Variants in USP24 observed in about 807,000 individuals in gnomAD.
USP24 encodes the protein ubiquitin specific peptidase 24.
USP24 carries 97 observed loss-of-function variants against 361.6 expected under a neutral mutation model. The observed-to-expected ratio is 0.27, with a 90% CI of 0.23 to 0.32. The LOEUF is 0.32. Among genes scored for constraint, USP24 ranks in the 10% least tolerant of loss-of-function variants. The probability of loss-of-function intolerance (pLI) is 1.00; values close to 1 mark genes in which losing one functional copy is unlikely to be tolerated. For synonymous variants in USP24, 1,098 were observed against 1,124.6 expected, an observed-to-expected ratio of 0.98 and a Z score of 0.47; for missense variants, 2,353 against 3,165.6, an observed-to-expected ratio of 0.74 and a Z score of 6.16.
Position 55,144,131 on chromosome 1 carries a change from T to A in USP24, c.2435A>T (p.Gln812Leu), listed in dbSNP as rs964592838. 1.9e-6 allele frequency: 3 copies of A among 1,606,064 alleles called. No individual in the cohort carries two copies. The African/African-American group carries it at 4.0e-5, about 22-fold the overall frequency. The part of the protein sequence containing the change: ...CDHRLKRQGA[Q>L]LYVEKLELIG... Reference sequence around the variant, plus strand: ...ATTTGAGAATAACGTACTTACCAACTGAGCTCCTTGTCTTTTCAATCGATG... The same window carrying A: ...ATTTGAGAATAACGTACTTACCAACAGAGCTCCTTGTCTTTTCAATCGATG... The change falls in exon 21 of 68, where the codon CAG becomes CTG. Residue 812 changes from glutamine (Q) to leucine (L), a missense_variant. Transcript: ENST00000294383.
intron 1 of USP24, among the ~76,000 whole-genome samples, chr1:55,197,861 C>A (rs1349892163): frequency 6.6e-6 from 1 of 152,178 alleles, no homozygotes; most frequent in Non-Finnish European, 1.5e-5. Context: ...CCTTACCTGA[C>A]CACAATTAGA....
chr1:55,193,390 G>C (rs1027402286), intron 1 of USP24, among the ~76,000 whole-genome samples: 2 of 152,194 alleles, frequency 1.3e-5, no homozygotes, highest in African/African-American at 4.8e-5. Context: ...ATACAGAGAA[G>C]CAAGGTTTTC....
At position 55,094,080 on chromosome 1, in the gene USP24, G is replaced by T; in HGVS notation, c.6211C>A (p.Pro2071Thr). The T allele has an allele frequency of 6.2e-7, 1 of 1,612,842 alleles. No homozygotes were observed. The highest frequency in any genetic ancestry group is 8.5e-7 in the Non-Finnish European group (1 of 1,179,348). ...TGAGGTGAAATTTCTGGTGAAGATG[G>T]AGCTGACCTAAGAGATAGAATCAGA... ...QEAEDLSLSA[P>T]SSPEISPQSS... Residue 2071 changes from proline (P) to threonine (T), a missense_variant, in exon 52 of 68, where the codon CCA becomes ACA. Around this residue, in one of 8 missense-constraint regions of USP24, gnomAD observed 598 missense variants for 761.9 expected, o/e 0.78. Transcript: ENST00000294383.
intron 63 of USP24, among the ~76,000 whole-genome samples, chr1:55,074,937 T>G (rs889842061): frequency 4.6e-5 from 7 of 152,178 alleles, no homozygotes; most frequent in Non-Finnish European, 8.8e-5. Flanking sequence ...AAATTATTCT[T>G]AACTAAACTT....
chr1:55,137,432 T>G (rs1206201508), intron 28 of USP24, 83 bp downstream of exon 28: 24 of 1,437,394 alleles, frequency 1.7e-5, no homozygotes, highest in Non-Finnish European at 2.2e-5. Flanking sequence ...TCCCAGCATT[T>G]GTTATACAGT....
At chr1:55,131,883 C>G (rs942374355) in intron 31 of USP24, among the ~76,000 whole-genome samples, 1 of 152,086 alleles carries the variant, frequency 6.6e-6, no homozygotes, top group Non-Finnish European at 1.5e-5. Flanking sequence ...TTCTTCAGAC[C>G]AAGAGTGGTA....
chr1:55,153,800 T>A (rs1222126682), intron 16 of USP24, 70 bp downstream of exon 16: 6 of 1,351,010 alleles, frequency 4.4e-6, no homozygotes, highest in Non-Finnish European at 6.1e-6. Flanking sequence ...TTTAAAATTG[T>A]GGTGTAATTT....
At chr1:55,197,074 T>C (rs1644439405) in intron 1 of USP24, among the ~76,000 whole-genome samples, 1 of 152,210 alleles carries the variant, frequency 6.6e-6, no homozygotes, top group Non-Finnish European at 1.5e-5. Context: ...GACTAAGTAT[T>C]TACTTTAGGC....
Position 55,146,919 on chromosome 1 carries a change from AC to A in USP24, c.2250+9del. 6.2e-7 allele frequency: 1 copy of A among 1,611,190 alleles called. No homozygotes were observed. Among genetic ancestry groups the A allele is most frequent in the Non-Finnish European group, 8.5e-7 (1 of 1,178,434 alleles). ...TCTGCCTTACTTTATCCACAATACC[AC>A]CTTCTTACCTCTCTATCTAATTCAC... is the stretch of plus-strand genomic sequence containing the variant. On this transcript the variant is annotated intron_variant, in intron 19 of 67. Transcript: ENST00000294383.
At chr1:55,134,524 G>A in intron 28 of USP24, 111 bp from the exon 29 acceptor site, 1 of 947,446 alleles carries the variant, frequency 1.1e-6, no homozygotes, top group Non-Finnish European at 1.6e-6. Context: ...GCTGGTCACT[G>A]TAAAGCTTGA....
At chr1:55,096,842 C>G in intron 49 of USP24, 110 bp downstream of exon 49, 1 of 1,397,378 alleles carries the variant, frequency 7.2e-7, no homozygotes, top group South Asian at 1.5e-5. Context: ...AAATGAAACA[C>G]AGTCAAGAAC....
chr1:55,196,526 A>T (rs1363988651), intron 1 of USP24, among the ~76,000 whole-genome samples: 1 of 151,988 alleles, frequency 6.6e-6, no homozygotes, highest in African/African-American at 2.4e-5. Context: ...CCCCCCCAAT[A>T]GAGTTATATT....
At chr1:55,207,056 C>G (rs1185209695) in intron 1 of USP24, among the ~76,000 whole-genome samples, 3 of 152,022 alleles carry the variant, frequency 2.0e-5, no homozygotes, top group Non-Finnish European at 2.9e-5. Context: ...ACTTGAGAGG[C>G]TGCGGTGGGG....
In USP24 at chr1:55,141,718, G is replaced by A. The variant is rs756504598; in HGVS notation, c.2648C>T (p.Ala883Val). The A allele has an allele frequency of 6.2e-7, 1 of 1,605,712 alleles. No homozygotes were observed. The highest frequency in any genetic ancestry group is 8.5e-7 in the Non-Finnish European group (1 of 1,175,684). The change falls in exon 24 of 68, where the codon GCA (alanine) becomes GTA (valine). Residue 883 changes from alanine (A) to valine (V), a missense_variant. Around this residue, in one of 8 missense-constraint regions of USP24, gnomAD observed 949 missense variants for 1,280.5 expected, o/e 0.74. Coordinates refer to ENST00000294383, the MANE Select transcript of USP24 (RefSeq NM_015306.3). Reference sequence around the variant, plus strand: ...ATGTGTTAGAGTGGGGCCACCAAGTGCTGAACTGGCTGCCTAAAAAATACC... The same window carrying A: ...ATGTGTTAGAGTGGGGCCACCAAGTACTGAACTGGCTGCCTAAAAAATACC... ...CYTRLEAASS[A>V]LGGPTLTHAV...
At chr1:55,138,008 G>T in intron 26 of USP24, 104 bp from the exon 27 acceptor site, 2 of 1,115,970 alleles carry the variant, frequency 1.8e-6, no homozygotes, top group Non-Finnish European at 1.3e-6. Flanking sequence ...TCTAGAAGCT[G>T]GGAACACAGC....
intron 60 of USP24, among the ~76,000 whole-genome samples, chr1:55,079,105 G>T (rs1023781192): frequency 1.2e-4 from 18 of 152,156 alleles, no homozygotes; most frequent in Non-Finnish European, 2.9e-5. Context: ...CTGCTGGAAG[G>T]GGAAGGTTGG....
chr1:55,183,284 G>A (rs140345820), intron 1 of USP24, among the ~76,000 whole-genome samples: 43 of 152,260 alleles, frequency 2.8e-4, no homozygotes, highest in African/African-American at 1.0e-3. Context: ...AAAGGGGCAT[G>A]GTGTCTGTAA....
At chr1:55,186,105 G>A (rs1342498171) in intron 1 of USP24, among the ~76,000 whole-genome samples, 1 of 152,042 alleles carries the variant, frequency 6.6e-6, no homozygotes, top group African/African-American at 2.4e-5. Flanking sequence ...CATCACCAGT[G>A]AATTATACAA....
intron 17 of USP24, among the ~76,000 whole-genome samples, chr1:55,148,244 C>T (rs1321819992): frequency 1.7e-5 from 2 of 118,494 alleles, no homozygotes; most frequent in Admixed American, 1.7e-4. Context: ...GAAAATTAAG[C>T]AAATAAAAAG....
Sources: allele counts gnomAD v4.1 joint callset (sites outside exome capture counted in the v4.1 genomes callset), GRCh38; gene constraint gnomAD v4.1.1; regional missense constraint gnomAD v4.1.1; transcripts MANE v1.5; gene names NCBI Gene and HGNC (gene_info 2026-07-23, HGNC 2026-07-21).